The following AKAP19 variants were observed in gnomAD, a reference collection of about 807,000 sequenced individuals.
AKAP19 encodes the protein small A-kinase anchoring protein.
At chr2:190,064,273 A>G in the AKAP19 span, among the ~76,000 whole-genome samples, 1 of 151,706 alleles carries the variant, frequency 6.6e-6, no homozygotes, top group East Asian at 1.9e-4. Flanking sequence ...GATTTCAGAT[A>G]CTCTTTGTTA....
At chr2:190,176,825 G>A in the AKAP19 span, among the ~76,000 whole-genome samples, 1 of 152,206 alleles carries the variant, frequency 6.6e-6, no homozygotes, top group African/African-American at 2.4e-5. This position sits in a 1 kb window ranked among gnomAD's most constrained non-coding sequence, Gnocchi z 4.7. Flanking sequence ...CCTACTCAGA[G>A]AAGATATCTG....
the AKAP19 span, among the ~76,000 whole-genome samples, chr2:190,020,168 C>T: frequency 6.6e-6 from 1 of 152,256 alleles, no homozygotes; most frequent in African/African-American, 2.4e-5. Context: ...TCTTAAATGT[C>T]TGGTGCCTTG....
At chr2:190,006,419 G>GGGCA in the AKAP19 span, among the ~76,000 whole-genome samples, 1 of 148,138 alleles carries the variant, frequency 6.8e-6, no homozygotes, top group Non-Finnish European at 1.5e-5. Context: ...AGGCAGAGAC[G>GGGCA]GGCAGATCAT....
chr2:190,135,320 C>A, the AKAP19 span, among the ~76,000 whole-genome samples: 1 of 152,128 alleles, frequency 6.6e-6, no homozygotes, highest in Non-Finnish European at 1.5e-5. Context: ...TTTTTAAAAT[C>A]AGTATCATGG....
the AKAP19 span, among the ~76,000 whole-genome samples, chr2:190,074,309 T>C: frequency 6.6e-6 from 1 of 152,052 alleles, no homozygotes. Flanking sequence ...TATGAAAACA[T>C]TTTAAGGTGA....
At chr2:190,108,793 T>TG in the AKAP19 span, among the ~76,000 whole-genome samples, 2 of 151,418 alleles carry the variant, frequency 1.3e-5, no homozygotes, top group East Asian at 1.9e-4. Flanking sequence ...GTTTTTTTTT[T>TG]TTTTTTTTTA....
the AKAP19 span, among the ~76,000 whole-genome samples, chr2:190,105,731 G>A: frequency 6.6e-6 from 1 of 152,182 alleles, no homozygotes; most frequent in Non-Finnish European, 1.5e-5. Flanking sequence ...CAGCCCTCAG[G>A]GCTTCCTGGT....
At chr2:190,050,761 T>C in the AKAP19 span, among the ~76,000 whole-genome samples, 1 of 152,182 alleles carries the variant, frequency 6.6e-6, no homozygotes, top group Non-Finnish European at 1.5e-5. Flanking sequence ...AAAGATCTCA[T>C]GAGCCAATGA....
the AKAP19 span, among the ~76,000 whole-genome samples, chr2:189,908,321 G>A: frequency 6.6e-6 from 1 of 151,560 alleles, no homozygotes; most frequent in Non-Finnish European, 1.5e-5. Flanking sequence ...AGCCTCCCAA[G>A]TAGCTAGGAT....
At chr2:189,982,664 C>CTTTT in the AKAP19 span, among the ~76,000 whole-genome samples, 2 of 143,908 alleles carry the variant, frequency 1.4e-5, no homozygotes, top group African/African-American at 5.1e-5. Context: ...GGAACCTTAA[C>CTTTT]TTTTTTTTTT....
the AKAP19 span, among the ~76,000 whole-genome samples, chr2:189,941,326 G>C: frequency 6.6e-6 from 1 of 152,128 alleles, no homozygotes; most frequent in Non-Finnish European, 1.5e-5. Context: ...ACAAACTTAG[G>C]ATGTAATTGT....
the AKAP19 span, among the ~76,000 whole-genome samples, chr2:190,048,888 A>G: frequency 6.6e-6 from 1 of 152,216 alleles, no homozygotes; most frequent in African/African-American, 2.4e-5. Context: ...CTTCACACTT[A>G]TGACAAAATG....
chr2:190,144,077 C>T, the AKAP19 span, among the ~76,000 whole-genome samples: 1 of 147,148 alleles, frequency 6.8e-6, no homozygotes, highest in Non-Finnish European at 1.5e-5. Context: ...TGGTGGATGA[C>T]GAGTTAGTGG....
At chr2:189,925,206 C>G in the AKAP19 span, among the ~76,000 whole-genome samples, 1 of 152,166 alleles carries the variant, frequency 6.6e-6, no homozygotes, top group African/African-American at 2.4e-5. Context: ...TTAGGAACAT[C>G]TAACAATGTT....
chr2:190,150,691 C>T, the AKAP19 span, among the ~76,000 whole-genome samples: 2 of 151,812 alleles, frequency 1.3e-5, no homozygotes, highest in East Asian at 1.9e-4. Flanking sequence ...CTGCTCTGTC[C>T]GGAGCTGCAA....
the AKAP19 span, among the ~76,000 whole-genome samples, chr2:190,188,975 C>T: frequency 2.6e-5 from 4 of 152,186 alleles, no homozygotes; most frequent in African/African-American, 9.7e-5. Flanking sequence ...TAGCTAGTTA[C>T]TGGACCAGAT....
At chr2:189,934,603 T>TA in the AKAP19 span, among the ~76,000 whole-genome samples, 7,594 of 151,926 alleles carry the variant, frequency 0.05, 624 homozygotes, top group African/African-American at 0.17. Flanking sequence ...TATTTCCTGT[T>TA]ATACTTAGTT....
chr2:189,893,883 C>T, the AKAP19 span, among the ~76,000 whole-genome samples: 4 of 152,180 alleles, frequency 2.6e-5, no homozygotes, highest in Non-Finnish European at 5.9e-5. Context: ...TTTTGGCATC[C>T]ACTATGTGGA....
the AKAP19 span, among the ~76,000 whole-genome samples, chr2:190,153,554 A>G: frequency 3.3e-5 from 5 of 152,128 alleles, no homozygotes; most frequent in African/African-American, 1.2e-4. Context: ...TATGTATAAT[A>G]GTATAATGTT....
Sources: allele counts gnomAD v4.1 joint callset (sites outside exome capture counted in the v4.1 genomes callset), GRCh38; gene constraint gnomAD v4.1.1; non-coding constraint Gnocchi (gnomAD v3.1); transcripts MANE v1.5; gene names NCBI Gene and HGNC (gene_info 2026-07-23, HGNC 2026-07-21).